Variants in KIAA1217 observed in about 807,000 individuals in gnomAD.
KIAA1217 encodes the protein KIAA1217.
KIAA1217 carries 88 observed loss-of-function variants against 163.9 expected under a neutral mutation model. The observed-to-expected ratio is 0.54, with a 90% CI of 0.45 to 0.64. KIAA1217 has a LOEUF of 0.64. Among genes scored for constraint, KIAA1217 ranks in the 30% least tolerant of loss-of-function variants. KIAA1217 has a pLI of 0.00. For missense variants in KIAA1217, 2,372 were observed against 2,475.0 expected (o/e 0.96, Z 0.88); for synonymous variants, 903 against 923.1 (o/e 0.98, Z 0.39).
intron 6 of KIAA1217, among the ~76,000 whole-genome samples, chr10:24,491,273 CT>C (rs797002022): frequency 0.097 from 11,642 of 120,360 alleles, 732 homozygotes; most frequent in East Asian, 0.18. Context: ...TGCTTTGTTT[CT>C]TTTTTTTTTT....
chr10:24,338,007 T>C (rs2046614994), intron 2 of KIAA1217, among the ~76,000 whole-genome samples: 2 of 152,156 alleles, frequency 1.3e-5, no homozygotes, highest in South Asian at 4.1e-4. Flanking sequence ...ACATGGGACA[T>C]TGTAATCTCT....
intron 6 of KIAA1217, among the ~76,000 whole-genome samples, chr10:24,476,919 C>T (rs902203334): frequency 6.6e-6 from 1 of 152,020 alleles, no homozygotes; most frequent in African/African-American, 2.4e-5. Context: ...ATTCTCTCTA[C>T]ATTTAGACTC....
At chr10:23,707,060 A>G (rs907314263) in intron 1 of KIAA1217, among the ~76,000 whole-genome samples, 5 of 152,196 alleles carry the variant, frequency 3.3e-5, no homozygotes, top group Non-Finnish European at 7.3e-5. Context: ...TAAGAAGTAA[A>G]CTTATTACCA....
intron 2 of KIAA1217, among the ~76,000 whole-genome samples, chr10:24,374,713 C>T (rs10828642): frequency 0.17 from 26,192 of 152,122 alleles, 2,700 homozygotes; most frequent in East Asian, 0.37. Context: ...TGTCCATAAG[C>T]CACAGAAGCC....
intron 2 of KIAA1217, among the ~76,000 whole-genome samples, chr10:24,041,122 C>T (rs1051512884): frequency 2.6e-5 from 4 of 152,226 alleles, no homozygotes; most frequent in African/African-American, 9.6e-5. Flanking sequence ...AGTATTTACA[C>T]TTGGAGTGGA....
chr10:23,973,463 A>T (rs186658807), intron 1 of KIAA1217, among the ~76,000 whole-genome samples: 67 of 152,380 alleles, frequency 4.4e-4, no homozygotes, highest in African/African-American at 1.6e-3. Flanking sequence ...GATCTACCTG[A>T]ATCTAAAACC....
chr10:23,831,384 T>C (rs1378438868), intron 1 of KIAA1217, among the ~76,000 whole-genome samples: 3 of 151,638 alleles, frequency 2.0e-5, no homozygotes, highest in Non-Finnish European at 4.4e-5. Flanking sequence ...AAATGAACCA[T>C]ACATCCAAAA....
At chr10:24,073,091 A>C (rs1036184058) in intron 2 of KIAA1217, among the ~76,000 whole-genome samples, 12 of 151,966 alleles carry the variant, frequency 7.9e-5, no homozygotes, top group African/African-American at 2.9e-4. Context: ...AGAAAGAAAG[A>C]AGCACTAGCT....
chr10:23,949,405 T>G (rs1844222583), intron 1 of KIAA1217, among the ~76,000 whole-genome samples: 1 of 152,230 alleles, frequency 6.6e-6, no homozygotes, highest in Admixed American at 6.5e-5. Flanking sequence ...GTTATTTATG[T>G]TATTTAGTTT....
intron 3 of KIAA1217, among the ~76,000 whole-genome samples, chr10:24,388,250 A>T (rs534321093): frequency 6.6e-6 from 1 of 152,300 alleles, no homozygotes; most frequent in Admixed American, 6.5e-5. Context: ...AAATAATACC[A>T]CACATCTACA....
chr10:23,970,629 A>G (rs1410238547), intron 1 of KIAA1217, among the ~76,000 whole-genome samples: 1 of 152,242 alleles, frequency 6.6e-6, no homozygotes, highest in Non-Finnish European at 1.5e-5. Flanking sequence ...CTAAGACAGT[A>G]AATCTTAAAT....
chr10:24,369,922 G>A (rs927385896), intron 2 of KIAA1217, among the ~76,000 whole-genome samples: 2 of 152,170 alleles, frequency 1.3e-5, no homozygotes, highest in Non-Finnish European at 2.9e-5. Context: ...CAGAAAGAAA[G>A]GAGAGAAAGA....
At chr10:24,301,000 A>G (rs1219966362) in intron 2 of KIAA1217, among the ~76,000 whole-genome samples, 1 of 152,138 alleles carries the variant, frequency 6.6e-6, no homozygotes, top group Non-Finnish European at 1.5e-5. Context: ...TTTAGTAGGC[A>G]CAGGGTTTCA....
intron 3 of KIAA1217, among the ~76,000 whole-genome samples, chr10:24,387,851 T>G (rs1170358321): frequency 6.6e-6 from 1 of 151,756 alleles, no homozygotes; most frequent in African/African-American, 2.4e-5. Context: ...TTACAAGGGA[T>G]GTGAAGGACC....
chr10:24,414,718 C>T (rs942459044), intron 3 of KIAA1217, among the ~76,000 whole-genome samples: 18 of 152,216 alleles, frequency 1.2e-4, no homozygotes, highest in African/African-American at 4.3e-4. Flanking sequence ...GGACTCGCCC[C>T]ACCCACCACT....
intron 3 of KIAA1217, among the ~76,000 whole-genome samples, chr10:24,390,152 C>G (rs1010142375): frequency 1.3e-5 from 2 of 152,118 alleles, no homozygotes; most frequent in African/African-American, 4.8e-5. Flanking sequence ...CAACTGATCT[C>G]TGACTGCACA....
In KIAA1217 at chr10:24,163,792, G is replaced by A. The variant is rs1190301491; in HGVS notation, c.-170-55834G>A. Among the ~76,000 whole-genome samples, 2 of 152,122 alleles carry A rather than the reference G, an allele frequency of 1.3e-5. 1 individual carries two copies. The highest frequency in any genetic ancestry group is 1.3e-4 in the Admixed American group (2 of 15,280). ...TGGCAATTTGGCCAGAACTACAATA[G>A]CCTTCTAATAAAGACACTCCCAGGC... On this transcript the variant is annotated intron_variant, in intron 2 of 18. Coordinates refer to the KIAA1217 transcript ENST00000376462.
intron 2 of KIAA1217, among the ~76,000 whole-genome samples, chr10:24,173,612 ATACTC>A (rs2065734781): frequency 6.6e-6 from 1 of 152,172 alleles, no homozygotes; most frequent in South Asian, 2.1e-4. Flanking sequence ...ATCTGGTTCA[ATACTC>A]TACCTAAAAG....
intron 14 of KIAA1217, 112 bp from the exon 15 acceptor site, chr10:24,531,718 A>C: frequency 9.3e-7 from 1 of 1,070,996 alleles, no homozygotes; most frequent in South Asian, 1.9e-5. Context: ...TGCTCTATGG[A>C]GAGAACAGAA....
Sources: gnomAD v4.1 joint callset for allele counts (sites outside exome capture counted in the v4.1 genomes callset) on GRCh38, gnomAD v4.1.1 for gene constraint, MANE v1.5 for transcripts, NCBI Gene and HGNC (gene_info 2026-07-23, HGNC 2026-07-21) for gene names.